The following CTIF variants were observed in gnomAD, a reference collection of about 807,000 sequenced individuals.
The protein encoded by CTIF is CBP80/20-dependent translation initiation factor.
A neutral mutation model predicts 66.0 loss-of-function variants in CTIF; 21 were observed. That is an observed-to-expected ratio of 0.32 (90% CI 0.23 to 0.46). CTIF has a LOEUF of 0.46. Among genes scored for constraint, CTIF ranks in the 20% least tolerant of loss-of-function variants. The pLI, the probability that CTIF is intolerant of heterozygous loss-of-function variation, is 1.00. For missense variants in CTIF, 739 were observed against 812.7 expected (o/e 0.91, Z 1.10); for synonymous variants, 345 against 326.4 (o/e 1.06, Z -0.62).
intron 9 of CTIF, among the ~76,000 whole-genome samples, chr18:48,788,959 C>T (rs2067735139): frequency 6.6e-6 from 1 of 152,148 alleles, no homozygotes; most frequent in South Asian, 2.1e-4. Context: ...TCCAATAGCA[C>T]ACCTCTTAGG....
chr18:48,766,685 C>G (rs1909577167), intron 9 of CTIF, among the ~76,000 whole-genome samples: 1 of 152,318 alleles, frequency 6.6e-6, no homozygotes, highest in Middle Eastern at 3.4e-3. Context: ...ATGCCGCGAA[C>G]CAGTCAAGAA....
intron 1 of CTIF, among the ~76,000 whole-genome samples, chr18:48,612,434 C>G (rs2090324058): frequency 6.6e-6 from 1 of 152,206 alleles, no homozygotes; most frequent in South Asian, 2.1e-4. Flanking sequence ...GGTGTTGCTC[C>G]CACTCTGTGG....
intron 9 of CTIF, among the ~76,000 whole-genome samples, chr18:48,804,396 CCAGGCCT>C (rs2068102209): frequency 6.6e-6 from 1 of 152,202 alleles, no homozygotes; most frequent in Non-Finnish European, 1.5e-5. Flanking sequence ...GTCCTCAGGG[CCAGGCCT>C]CAGGGCTCAG....
chr18:48,634,479 G>C (rs1334678819), intron 2 of CTIF, among the ~76,000 whole-genome samples: 1 of 152,200 alleles, frequency 6.6e-6, no homozygotes, highest in Non-Finnish European at 1.5e-5. Context: ...GCAACCTCAG[G>C]TAGCTAGTAC....
At chr18:48,588,029 T>C (rs2143918165) in intron 1 of CTIF, among the ~76,000 whole-genome samples, 1 of 152,294 alleles carries the variant, frequency 6.6e-6, no homozygotes, top group South Asian at 2.1e-4. Flanking sequence ...ATCCCACCTT[T>C]TCCTTCTCTC....
At chr18:48,599,560 C>A (rs573919915) in intron 1 of CTIF, among the ~76,000 whole-genome samples, 1 of 151,890 alleles carries the variant, frequency 6.6e-6, no homozygotes, top group African/African-American at 2.4e-5. Flanking sequence ...TGAGCAATCC[C>A]GGGTTATTAC....
chr18:48,828,308 G>A (rs536868163), intron 10 of CTIF, among the ~76,000 whole-genome samples: 2 of 152,316 alleles, frequency 1.3e-5, no homozygotes, highest in Admixed American at 1.3e-4. Context: ...AAGGTGGTGT[G>A]GGTGCAAGCT....
intron 2 of CTIF, among the ~76,000 whole-genome samples, chr18:48,628,183 G>C (rs1285810939): frequency 1.3e-5 from 2 of 152,172 alleles, no homozygotes; most frequent in Non-Finnish European, 2.9e-5. Context: ...GAGCAGCTCT[G>C]GGGGGCAAAG....
At chr18:48,583,668 G>T (rs2089709305) in intron 1 of CTIF, among the ~76,000 whole-genome samples, 1 of 152,182 alleles carries the variant, frequency 6.6e-6, no homozygotes, top group African/African-American at 2.4e-5. Flanking sequence ...GGGCATATGA[G>T]CAGGGAGGGA....
At chr18:48,629,273 C>T (rs924343544) in intron 2 of CTIF, among the ~76,000 whole-genome samples, 1 of 152,166 alleles carries the variant, frequency 6.6e-6, no homozygotes. Flanking sequence ...TTAAGAAGCC[C>T]TGGGTAAGAT....
At chr18:48,754,058 T>G (rs1908098949) in intron 7 of CTIF, among the ~76,000 whole-genome samples, 1 of 152,230 alleles carries the variant, frequency 6.6e-6, no homozygotes, top group South Asian at 2.1e-4. Flanking sequence ...TCTCCATTGC[T>G]GGGGAACGAG....
At chr18:48,720,442 G>A (rs946119694) in intron 7 of CTIF, among the ~76,000 whole-genome samples, 3 of 152,104 alleles carry the variant, frequency 2.0e-5, no homozygotes, top group Non-Finnish European at 4.4e-5. Context: ...CAGGGACCGC[G>A]AGACAGATCT....
At chr18:48,818,934 G>A (rs1216072629) in intron 10 of CTIF, among the ~76,000 whole-genome samples, 1 of 152,174 alleles carries the variant, frequency 6.6e-6, no homozygotes, top group Middle Eastern at 3.2e-3. Flanking sequence ...GGGAAGGAGA[G>A]CTGTGGGGTC....
intron 10 of CTIF, among the ~76,000 whole-genome samples, chr18:48,856,347 T>C (rs1369117030): frequency 6.6e-6 from 1 of 152,194 alleles, no homozygotes; most frequent in Non-Finnish European, 1.5e-5. Context: ...GAAAACAGTC[T>C]TGCAGCTACT....
intron 2 of CTIF, among the ~76,000 whole-genome samples, chr18:48,635,834 G>A (rs574571694): frequency 1.3e-5 from 2 of 152,326 alleles, no homozygotes; most frequent in South Asian, 4.1e-4. Flanking sequence ...CTCCCAGCCA[G>A]TCACCCAGCA....
intron 1 of CTIF, among the ~76,000 whole-genome samples, chr18:48,616,604 C>T (rs2090404958): frequency 6.6e-6 from 1 of 152,208 alleles, no homozygotes; most frequent in Non-Finnish European, 1.5e-5. Flanking sequence ...TTCTAAGTAG[C>T]ATAATTATGC....
chr18:48,649,727 A>T (rs1328883128), intron 3 of CTIF, among the ~76,000 whole-genome samples: 3 of 152,188 alleles, frequency 2.0e-5, no homozygotes, highest in Non-Finnish European at 4.4e-5. Context: ...TCATACAGGC[A>T]GGTGCACCTC....
At chr18:48,766,907 C>T (rs1449580372) in intron 9 of CTIF, among the ~76,000 whole-genome samples, 1 of 152,240 alleles carries the variant, frequency 6.6e-6, no homozygotes, top group Non-Finnish European at 1.5e-5. Flanking sequence ...TTCTCTCTGT[C>T]CTCAGCTCCT....
intron 1 of CTIF, among the ~76,000 whole-genome samples, chr18:48,602,827 A>C: frequency 6.7e-6 from 1 of 150,202 alleles, no homozygotes; most frequent in African/African-American, 2.5e-5. Context: ...GAATGGGTGG[A>C]TGAATGGATG....
Sources: gnomAD v4.1 joint callset for allele counts (sites outside exome capture counted in the v4.1 genomes callset) on GRCh38, gnomAD v4.1.1 for gene constraint, MANE v1.5 for transcripts, NCBI Gene and HGNC (gene_info 2026-07-23, HGNC 2026-07-21) for gene names.